NEGR1: variants seen among roughly 807,000 people sequenced by gnomAD.
The protein encoded by NEGR1 is neuronal growth regulator 1.
In NEGR1, 10 loss-of-function variants were observed where a neutral mutation model predicts 40.9. The ratio of observed to expected loss-of-function variants is 0.24; its 90% confidence interval spans 0.15 to 0.42. The LOEUF (loss-of-function observed/expected upper bound fraction) is 0.42. NEGR1 is among the 10% of genes least tolerant of loss of function. NEGR1 has a pLI of 1.00. For missense variants in NEGR1, 352 were observed against 438.9 expected (o/e 0.80, Z 1.77); for synonymous variants, 185 against 166.8 (o/e 1.11, Z -0.84).
chr1:71,750,793 A>G (rs1435579712), intron 3 of NEGR1, among the ~76,000 whole-genome samples: 1 of 152,172 alleles, frequency 6.6e-6, no homozygotes, highest in African/African-American at 2.4e-5. Context: ...ATTTTTAAGA[A>G]GCTTTTTTAT....
intron 6 of NEGR1, among the ~76,000 whole-genome samples, chr1:71,582,053 G>A (rs1649155764): frequency 6.6e-6 from 1 of 151,950 alleles, no homozygotes; most frequent in Non-Finnish European, 1.5e-5. Context: ...ACCACTAAAT[G>A]TATCATAGTG....
intron 2 of NEGR1, among the ~76,000 whole-genome samples, chr1:71,925,411 G>T (rs1645763299): frequency 6.6e-6 from 1 of 152,300 alleles, no homozygotes; most frequent in African/African-American, 2.4e-5. Flanking sequence ...CTAACCAGAA[G>T]ATGCTGAAGG....
chr1:72,036,568 A>C (rs1646904694), intron 1 of NEGR1, among the ~76,000 whole-genome samples: 1 of 151,362 alleles, frequency 6.6e-6, no homozygotes, highest in Admixed American at 6.6e-5. Flanking sequence ...AGGCAGAAGA[A>C]TCTCTTGAAC....
At chr1:71,955,576 T>C (rs1288444849) in intron 1 of NEGR1, among the ~76,000 whole-genome samples, 1 of 152,190 alleles carries the variant, frequency 6.6e-6, no homozygotes, top group Non-Finnish European at 1.5e-5. Context: ...CAAATTCTTG[T>C]TTGCATCAGC....
intron 2 of NEGR1, among the ~76,000 whole-genome samples, chr1:71,779,565 A>C (rs921016342): frequency 4.8e-5 from 2 of 42,060 alleles, no homozygotes; most frequent in African/African-American, 8.1e-5. Context: ...ATAGATAAAA[A>C]CTTTTTTTTT....
chr1:72,111,625 TAAA>T (rs1462244339), intron 1 of NEGR1, among the ~76,000 whole-genome samples: 1 of 151,810 alleles, frequency 6.6e-6, no homozygotes, highest in African/African-American at 2.4e-5. Context: ...GTGACTAAGA[TAAA>T]AAACACTTAT....
At chr1:72,181,918 T>C (rs1194050427) in intron 1 of NEGR1, among the ~76,000 whole-genome samples, 2 of 152,118 alleles carry the variant, frequency 1.3e-5, no homozygotes, top group African/African-American at 4.8e-5. Flanking sequence ...TGGAGAGGTG[T>C]ATCTCAGAGG....
chr1:72,280,304 T>C (rs1300809020), intron 1 of NEGR1, among the ~76,000 whole-genome samples: 1 of 152,202 alleles, frequency 6.6e-6, no homozygotes, highest in Non-Finnish European at 1.5e-5. Context: ...TATTAAATTG[T>C]TGTTTGTTTG....
intron 3 of NEGR1, among the ~76,000 whole-genome samples, chr1:71,728,224 T>C (rs1654737070): frequency 6.6e-6 from 1 of 152,152 alleles, no homozygotes; most frequent in African/African-American, 2.4e-5. Context: ...GGAATGTTGA[T>C]TTATTTCAAT....
chr1:72,232,746 A>G (rs980268837), intron 1 of NEGR1, among the ~76,000 whole-genome samples: 1 of 152,118 alleles, frequency 6.6e-6, no homozygotes, highest in African/African-American at 2.4e-5. Flanking sequence ...ATAATTATAG[A>G]GAAAATAGGT....
intron 2 of NEGR1, among the ~76,000 whole-genome samples, chr1:71,890,199 T>A (rs1204633621): frequency 9.5e-6 from 1 of 104,816 alleles, no homozygotes. Context: ...AATGACAGGA[T>A]CAAATTCACA....
At chr1:72,010,245 G>C (rs1570604642) in intron 1 of NEGR1, among the ~76,000 whole-genome samples, 3 of 152,164 alleles carry the variant, frequency 2.0e-5, no homozygotes, top group South Asian at 4.1e-4. Flanking sequence ...GCTGACACCT[G>C]TGGTTGCCAC....
chr1:72,060,745 T>A lies in NEGR1; in HGVS notation c.177-125434A>T, dbSNP rs375699909. ...TCAAGTTCCAAAAGTTTCCATGTAA[T>A]TAACTAAGATGGATACATTAGTGTC... On this transcript the variant is annotated intron_variant, in intron 1 of 6. Transcript: ENST00000357731. 2.6e-5 allele frequency among the ~76,000 whole-genome samples: 4 copies of A among 151,798 alleles called. No homozygotes were observed. In the East Asian group the frequency reaches 5.8e-4, roughly 22 times the overall value.
chr1:72,106,561 A>G (rs1224653566), intron 1 of NEGR1, among the ~76,000 whole-genome samples: 1 of 152,080 alleles, frequency 6.6e-6, no homozygotes, highest in Non-Finnish European at 1.5e-5. Context: ...AACTTAAATT[A>G]TAAGATTTTA....
chr1:71,491,282 A>G (rs543292485), intron 6 of NEGR1, among the ~76,000 whole-genome samples: 134 of 152,192 alleles, frequency 8.8e-4, no homozygotes, highest in African/African-American at 3.1e-3. Flanking sequence ...TGGAAATACT[A>G]TACCACTTTA....
At chr1:71,501,394 G>A (rs1218875227) in intron 6 of NEGR1, among the ~76,000 whole-genome samples, 1 of 151,916 alleles carries the variant, frequency 6.6e-6, no homozygotes, top group Non-Finnish European at 1.5e-5. Context: ...ATACAATTTG[G>A]GGTCTGAAAG....
At chr1:71,728,371 A>G (rs1238548242) in intron 3 of NEGR1, among the ~76,000 whole-genome samples, 2 of 152,148 alleles carry the variant, frequency 1.3e-5, no homozygotes, top group African/African-American at 2.4e-5. Flanking sequence ...TGAAACTAGA[A>G]GCAGGACCTT....
At chr1:71,496,935 TA>T (rs1646967771) in intron 6 of NEGR1, among the ~76,000 whole-genome samples, 1 of 152,214 alleles carries the variant, frequency 6.6e-6, no homozygotes, top group Non-Finnish European at 1.5e-5. Context: ...CCATTTTCAC[TA>T]CTGGAAAATT....
At chr1:71,418,776 G>A (rs1419539341) in intron 6 of NEGR1, among the ~76,000 whole-genome samples, 1 of 151,958 alleles carries the variant, frequency 6.6e-6, no homozygotes, top group African/African-American at 2.4e-5. Context: ...TCCTCACCTA[G>A]ATTTCGCATT....
Sources: allele counts gnomAD v4.1 joint callset (sites outside exome capture counted in the v4.1 genomes callset), GRCh38; gene constraint gnomAD v4.1.1; transcripts MANE v1.5; gene names NCBI Gene and HGNC (gene_info 2026-07-23, HGNC 2026-07-21).